The following CXCL12 variants were observed in gnomAD, a reference collection of about 807,000 sequenced individuals.
CXCL12 encodes the protein stromal cell-derived factor 1.
A neutral mutation model predicts 10.7 loss-of-function variants in CXCL12; 4 were observed. The observed-to-expected ratio is 0.37, with a 90% CI of 0.18 to 0.86. The LOEUF is 0.86. CXCL12 is among the 40% of genes least tolerant of loss of function. The pLI is 0.43. For missense variants in CXCL12, 122 were observed against 110.4 expected (o/e 1.10, Z -0.47); for synonymous variants, 54 against 45.4 (o/e 1.19, Z -0.77).
At position 44,377,552 on chromosome 10, in the gene CXCL12, G is replaced by A; in HGVS notation, c.*1081C>T. ...AAACCCTGCTGTGGCTTCAGGAGGG[G>A]GTAGTGGCAAGATGATGGTTTATTC... On this transcript the variant is annotated 3_prime_UTR_variant, in exon 3 of 3. Transcript: ENST00000343575. The A allele has an allele frequency of 6.9e-7, 1 of 1,450,130 alleles. No homozygotes were observed. The highest frequency in any genetic ancestry group is 9.0e-7 in the Non-Finnish European group (1 of 1,105,954). 89.8% of individuals were successfully genotyped at this position (1,450,130 alleles called of 1,614,324 possible). A position where few individuals can be genotyped will look rare whatever the true frequency, so the allele number is the denominator to read the frequency against.
At chr10:44,373,357 C>T (rs1268145971), downstream of CXCL12, 2 of 1,601,676 alleles carry the variant, frequency 1.2e-6, no homozygotes, top group Admixed American at 1.7e-5. Context: ...TTGACAAGAA[C>T]AGAGGGAAAC....
downstream of CXCL12, chr10:44,374,636 T>C (rs913529535): frequency 2.2e-6 from 1 of 455,912 alleles, no homozygotes; most frequent in Admixed American, 2.3e-5. Flanking sequence ...ATGGCTGTGA[T>C]CACAGGGAGC....
At chr10:44,378,831 G>T in intron 2 of CXCL12, 108 bp from the exon 3 acceptor site, 1 of 1,122,594 alleles carries the variant, frequency 8.9e-7, no homozygotes. Context: ...CTGGCACCCC[G>T]TGCTCCACTT....
downstream of CXCL12, chr10:44,373,056 G>T: frequency 2.6e-6 from 4 of 1,536,152 alleles, no homozygotes; most frequent in Non-Finnish European, 3.5e-6. Context: ...TGGCTCCGTG[G>T]AAAGACACTC....
intron 2 of CXCL12, among the ~76,000 whole-genome samples, chr10:44,379,090 T>C (rs1488471323): frequency 2.0e-5 from 3 of 151,768 alleles, no homozygotes; most frequent in Non-Finnish European, 4.4e-5. Flanking sequence ...CAGAGGAAAC[T>C]GAGGAAGGGG....
At position 44,378,346 on chromosome 10, in the gene CXCL12, G is replaced by A; in HGVS notation, c.*287C>T. On this transcript the variant is annotated 3_prime_UTR_variant, in exon 3 of 3. Coordinates refer to ENST00000343575, the MANE Select transcript of CXCL12 (RefSeq NM_199168.4). ...GAACTAACTGCTTGAAAATGCTGTT[G>A]ATAATACAATTTCTTTCTTAGAAAA... 3 of 1,501,286 alleles carry A rather than the reference G, an allele frequency of 2.0e-6. No homozygotes were observed. The highest frequency in any genetic ancestry group is 2.7e-6 in the Non-Finnish European group (3 of 1,118,854). 93.0% of individuals were successfully genotyped at this position (1,501,286 alleles called of 1,614,324 possible).
chr10:44,384,949 G>T lies in CXCL12; in HGVS notation c.57C>A (p.Ser19Arg), dbSNP rs747891190. The T allele has an allele frequency of 6.4e-7, 1 of 1,559,562 alleles. No individual in the cohort carries two copies. Among genetic ancestry groups the T allele is most frequent in the Admixed American group, 1.8e-5 (1 of 56,660 alleles). The stretch of plus-strand genomic sequence containing the variant: ...CTCCCCGCCGAGCGCACTTACCGTC[G>T]CTGAGGCAGAGCGCGGTCAGCACGA... The part of the protein sequence containing the change: ...LVLVLTALCL[S>R]DGKPVSLSYR... Residue 19 changes from serine (S) to arginine (R), a missense_variant, in exon 1 of 3, where the codon AGC becomes AGA. Physicochemically the swap from Ser to Arg is moderately radical, Grantham distance 110. Coordinates refer to ENST00000343575, the MANE Select transcript of CXCL12 (RefSeq NM_199168.4).
At position 44,377,471 on chromosome 10, in the gene CXCL12, T is replaced by C. The variant is rs946816769; in HGVS notation, c.*1162A>G. 20 of 1,283,044 alleles carry C rather than the reference T, an allele frequency of 1.6e-5. No individual in the cohort carries two copies. The East Asian group carries it at 3.1e-4, about 20-fold the overall frequency. 79.5% of individuals were successfully genotyped at this position (1,283,044 alleles called of 1,614,324 possible). ...TTACAAATACCACCAGGACCTTCTG[T>C]GGATCGCATTTATGCATGGAAATGT... is the stretch of plus-strand genomic sequence containing the variant. On this transcript the variant is annotated 3_prime_UTR_variant, in exon 3 of 3. Transcript: ENST00000343575.
At chr10:44,382,049 G>C (rs897162077) in intron 1 of CXCL12, among the ~76,000 whole-genome samples, 1 of 152,074 alleles carries the variant, frequency 6.6e-6, no homozygotes, top group Non-Finnish European at 1.5e-5. Context: ...ATGTGGACTA[G>C]GAATTGCATT....
rs72790862 is a variant in CXCL12 at position 44,384,812 on chromosome 10, T to C, written c.61+133A>G. 239,028 of 863,626 alleles carry C rather than the reference T, an allele frequency of 0.28. 35,133 individuals are homozygous for C. Among genetic ancestry groups the C allele is most frequent in the Non-Finnish European group, 0.31 (182,973 of 592,380 alleles). The allele number at this position is 863,626 out of a possible 1,614,324, so 53.5% of individuals were successfully genotyped here. On this transcript the variant is annotated intron_variant, in intron 1 of 2. Coordinates refer to ENST00000343575, the MANE Select transcript of CXCL12 (RefSeq NM_199168.4). ...GCGACACCGCACCAGAGCGCCCAGC[T>C]AAGCGAGCTGCCTCCACCCCCACTG...
Position 44,385,035 on chromosome 10 carries a change from G to A in CXCL12, c.-30C>T, listed in dbSNP as rs899226039. 21 of 1,435,500 alleles carry A rather than the reference G, an allele frequency of 1.5e-5. No homozygotes were observed. Among genetic ancestry groups the A allele is most frequent in the South Asian group, 9.1e-5 (7 of 77,056 alleles). 88.9% of individuals were successfully genotyped at this position (1,435,500 alleles called of 1,614,324 possible). On this transcript the variant is annotated 5_prime_UTR_variant, in exon 1 of 3. Coordinates refer to ENST00000343575, the MANE Select transcript of CXCL12 (RefSeq NM_199168.4). Reference sequence around the variant, plus strand: ...CGGGCGGGCGGGCGGGCGGGCGGACGAGCGCGGGTCGGGGGCCGGACGCCG... The same window carrying A: ...CGGGCGGGCGGGCGGGCGGGCGGACAAGCGCGGGTCGGGGGCCGGACGCCG...
chr10:44,377,881 C>T lies in CXCL12; in HGVS notation c.*752G>A, dbSNP rs1330180036. ...CACGAGCCCCAGCAATCACCCTCTT[C>T]CCGGCTGGTGCGGCGCTGATCAGGC... On this transcript the variant is annotated 3_prime_UTR_variant, in exon 3 of 3. Transcript: ENST00000343575. 3 of 1,578,784 alleles carry T rather than the reference C, an allele frequency of 1.9e-6. No homozygotes were observed. In the South Asian group the frequency reaches 3.4e-5, roughly 18 times the overall value.
chr10:44,375,896 C>A (rs1247217073), downstream of CXCL12: 2 of 1,608,130 alleles, frequency 1.2e-6, no homozygotes, highest in South Asian at 2.2e-5. Flanking sequence ...TTACAAAGCG[C>A]CGAGAGCAAG....
At chr10:44,383,144 C>T (rs1588904265) in intron 1 of CXCL12, among the ~76,000 whole-genome samples, 1 of 152,222 alleles carries the variant, frequency 6.6e-6, no homozygotes, top group African/African-American at 2.4e-5. Flanking sequence ...GGGGCAGGAC[C>T]CCTGGCCAAG....
At chr10:44,372,093 G>T (rs190726417), downstream of CXCL12, 1 of 152,410 alleles carries the variant, frequency 6.6e-6, no homozygotes. Context: ...TGGTGAAGAA[G>T]ATGAGGTTAG....
chr10:44,375,959 C>T (rs780461339), downstream of CXCL12: 2 of 1,612,810 alleles, frequency 1.2e-6, no homozygotes, highest in South Asian at 2.2e-5. Flanking sequence ...CTTTTCTGGG[C>T]AGCCTTTCTC....
chr10:44,380,571 G>A (rs141494178), intron 2 of CXCL12, 192 bp downstream of exon 2: 216 of 615,130 alleles, frequency 3.5e-4, no homozygotes, highest in Non-Finnish European at 5.5e-4. Context: ...GGCCAAGAGC[G>A]GCTTTTAAAA....
downstream of CXCL12, chr10:44,376,139 CAGTCTCAGGCCTGG>C: frequency 8.1e-7 from 1 of 1,241,756 alleles, no homozygotes; most frequent in Non-Finnish European, 1.1e-6. Flanking sequence ...ACTGTGCCTT[CAGTCTCAGGCCTGG>C]AGGCCCCTGG....
intron 2 of CXCL12, among the ~76,000 whole-genome samples, chr10:44,379,262 G>A (rs1839556140): frequency 1.3e-5 from 2 of 152,110 alleles, no homozygotes; most frequent in South Asian, 4.1e-4. Flanking sequence ...GTCTGACCGG[G>A]AGGGTGACCA....
Sources: allele counts gnomAD v4.1 joint callset (sites outside exome capture counted in the v4.1 genomes callset), GRCh38; gene constraint gnomAD v4.1.1; transcripts MANE v1.5; gene names NCBI Gene and HGNC (gene_info 2026-07-23, HGNC 2026-07-21).